The following UGT1A6 variants were observed in gnomAD, a reference collection of about 807,000 sequenced individuals.
The protein encoded by UGT1A6 is UDP glucuronosyltransferase family 1 member A6.
UGT1A6 carries 32 observed loss-of-function variants against 44.4 expected under a neutral mutation model. The ratio of observed to expected loss-of-function variants is 0.72; its 90% CI spans 0.54 to 0.97. The LOEUF (loss-of-function observed/expected upper bound fraction) is 0.97. Among genes scored for constraint, UGT1A6 ranks in the 50% least tolerant of loss-of-function variants. The probability of loss-of-function intolerance (pLI) is 0.00; values close to 1 mark genes in which losing one functional copy is unlikely to be tolerated. For missense variants in UGT1A6, 685 were observed against 661.9 expected (o/e 1.03, Z -0.38); for synonymous variants, 238 against 248.5 (o/e 0.96, Z 0.40).
chr2:233,757,312 G>A (rs1288195448), intron 1 of UGT1A6, among the ~76,000 whole-genome samples: 1 of 141,206 alleles, frequency 7.1e-6, no homozygotes, highest in Non-Finnish European at 1.5e-5. Context: ...GGACAGGGGG[G>A]CTGGGGCCCT....
At chr2:233,760,396 G>A (rs1697431780) in intron 1 of UGT1A6, 1 of 1,614,010 alleles carries the variant, frequency 6.2e-7, no homozygotes, top group African/African-American at 1.3e-5. Flanking sequence ...CCCAGTGGAT[G>A]GCAGCCACTG....
In UGT1A6 at chr2:233,748,243, C is replaced by T. The variant is rs570859275; in HGVS notation, c.862-18791C>T. Among the ~76,000 whole-genome samples the T allele has an allele frequency of 2.0e-4, 31 of 151,784 alleles. 2 individuals are homozygous for T. Among genetic ancestry groups the T allele is most frequent in the African/African-American group, 6.3e-4 (26 of 41,150 alleles). ...TAAACTGTTAAGGGGTCTCTAGTAGCGTATTTCAGGTTTTAAATGGTCAAT... is the reference window on the plus strand; with the variant it reads ...TAAACTGTTAAGGGGTCTCTAGTAGTGTATTTCAGGTTTTAAATGGTCAAT... On this transcript the variant is annotated intron_variant, in intron 1 of 4. Transcript: ENST00000305139.
chr2:233,694,371 G>A (rs1001600534), intron 1 of UGT1A6, among the ~76,000 whole-genome samples: 3 of 151,610 alleles, frequency 2.0e-5, no homozygotes, highest in Admixed American at 2.0e-4. Context: ...GGTTTTTGTA[G>A]TTTTAAAACA....
At chr2:233,740,525 C>G (rs1027411226) in intron 1 of UGT1A6, among the ~76,000 whole-genome samples, 1 of 151,910 alleles carries the variant, frequency 6.6e-6, no homozygotes, top group Non-Finnish European at 1.5e-5. Context: ...GAACTAAAAT[C>G]AGCTGTGTTG....
In UGT1A6 at chr2:233,729,854, T is replaced by C. The variant is rs773168395; in HGVS notation, c.861+35989T>C. The C allele has an allele frequency of 2.5e-6, 4 of 1,613,682 alleles. No homozygotes were observed. In the African/African-American group the frequency reaches 5.3e-5, roughly 22 times the overall value. On this transcript the variant is annotated intron_variant, in intron 1 of 4. Transcript: ENST00000305139. ...GCCTCTGAGCTTTTTCAGAGAGAGGTGTCAGTGGTGGATATTCTCAGTCAT... is the reference window on the plus strand; with the variant it reads ...GCCTCTGAGCTTTTTCAGAGAGAGGCGTCAGTGGTGGATATTCTCAGTCAT...
chr2:233,743,984 C>T (rs1692627890), intron 1 of UGT1A6: 2 of 1,291,724 alleles, frequency 1.5e-6, no homozygotes, highest in South Asian at 1.3e-5. Context: ...CACCCAGGCG[C>T]AGGCCCGAGT....
chr2:233,715,489 G>C (rs2076454143), intron 1 of UGT1A6, among the ~76,000 whole-genome samples: 1 of 152,016 alleles, frequency 6.6e-6, no homozygotes, highest in Non-Finnish European at 1.5e-5. Flanking sequence ...AAAATGATTT[G>C]TGTGCAAGTG....
intron 1 of UGT1A6, chr2:233,718,773 C>A: frequency 6.2e-7 from 1 of 1,612,848 alleles, no homozygotes. Flanking sequence ...ACAAATGTAG[C>A]AGGCACAGCG....
At chr2:233,762,315 G>T (rs565893517) in intron 1 of UGT1A6, among the ~76,000 whole-genome samples, 1 of 152,334 alleles carries the variant, frequency 6.6e-6, no homozygotes, top group South Asian at 2.1e-4. Context: ...TTAATGGGTC[G>T]AGAGTAATCC....
chr2:233,704,256 CTTTTTTT>C (rs59925871), intron 1 of UGT1A6, among the ~76,000 whole-genome samples: 3 of 123,680 alleles, frequency 2.4e-5, no homozygotes, highest in African/African-American at 9.8e-5. Context: ...GCCTTTATTG[CTTTTTTT>C]TTTTTTTTGC....
intron 1 of UGT1A6, chr2:233,754,946 G>C (rs770244493): frequency 2.0e-5 from 27 of 1,327,582 alleles, no homozygotes; most frequent in Non-Finnish European, 2.6e-5. Context: ...AGGAGAATGG[G>C]TCCCGGCCGC....
At chr2:233,706,071 G>A (rs901833161) in intron 1 of UGT1A6, among the ~76,000 whole-genome samples, 11 of 152,040 alleles carry the variant, frequency 7.2e-5, no homozygotes, top group Non-Finnish European at 1.6e-4. Flanking sequence ...TGCCAGCCTG[G>A]GTGACAGAGC....
At chr2:233,761,114 G>A (rs570314042) in intron 1 of UGT1A6, 1 of 1,614,204 alleles carries the variant, frequency 6.2e-7, no homozygotes, top group South Asian at 1.1e-5. Context: ...GTTTTTGTTG[G>A]TGGAATCAAC....
chr2:233,713,886 A>T (rs745467291), intron 1 of UGT1A6: 80 of 1,613,392 alleles, frequency 5.0e-5, no homozygotes, highest in Non-Finnish European at 6.3e-5. Context: ...TATCCAATCA[A>T]TGTTCCAGGC....
In UGT1A6 at chr2:233,693,496, C is replaced by T. The variant is rs1360218156; in HGVS notation, c.492C>T (p.Gly164=). The change falls in exon 1 of 5, where the codon GGC becomes GGT. Residue 164 remains glycine, a synonymous_variant. Coordinates refer to ENST00000305139, the MANE Select transcript of UGT1A6 (RefSeq NM_001072.4). ...GGGTGATCCTGGCTGAGTATTTGGG[C>T]CTACCATCTGTGTACCTCTTCAGGG... ...PCGVILAEYL[G]LPSVYLFRGF... 8.1e-6 allele frequency: 13 copies of T among 1,614,144 alleles called. No individual in the cohort carries two copies. Among genetic ancestry groups the T allele is most frequent in the Non-Finnish European group, 1.1e-5 (13 of 1,180,026 alleles).
In UGT1A6 at chr2:233,722,859, T is replaced by TC. The variant is rs2077044363; in HGVS notation, c.861+28994_861+28995insC. Among the ~76,000 whole-genome samples, 2 of 128,126 alleles carry TC rather than the reference T, an allele frequency of 1.6e-5. 1 individual carries two copies. The highest frequency in any genetic ancestry group is 5.9e-5 in the African/African-American group (2 of 33,684). The allele number at this position is 128,126 out of a possible 152,430, so 84.1% of individuals were successfully genotyped here. A position where few individuals can be genotyped will look rare whatever the true frequency, so the allele number is the denominator to read the frequency against. On this transcript the variant is annotated intron_variant, in intron 1 of 4. Transcript: ENST00000305139. The stretch of plus-strand genomic sequence containing the variant: ...TAAGAATGTTTCTTTTTTTTTTTTT[T>TC]GAAGGAAAAAATAAATTTATTGCTC...
intron 1 of UGT1A6, chr2:233,718,924 C>A: frequency 6.2e-7 from 1 of 1,614,056 alleles, no homozygotes; most frequent in Non-Finnish European, 8.5e-7. Flanking sequence ...TTGGTGGTGC[C>A]CACTGATGGC....
chr2:233,755,190 G>A, intron 1 of UGT1A6: 9 of 1,160,210 alleles, frequency 7.8e-6, no homozygotes, highest in Non-Finnish European at 7.2e-6. Context: ...CCACTTGAGC[G>A]CCAGCTTGCG....
rs1031320895 is a variant in UGT1A6, at chr2:233,747,800, G to A, written c.862-19234G>A. ...CAAATCCTTCCTCCTATATTCCTAA[G>A]TTACTAACGACCAATTCAGACCACA... On this transcript the variant is annotated intron_variant, in intron 1 of 4. Transcript: ENST00000305139. The A allele has an allele frequency of 3.1e-6, 5 of 1,613,386 alleles. No homozygotes were observed. The African/African-American group carries it at 4.0e-5, about 13-fold the overall frequency.
Sources: gnomAD v4.1 joint callset for allele counts (sites outside exome capture counted in the v4.1 genomes callset) on GRCh38, gnomAD v4.1.1 for gene constraint, MANE v1.5 for transcripts, NCBI Gene and HGNC (gene_info 2026-07-23, HGNC 2026-07-21) for gene names.